Variants in MED12L observed in about 807,000 individuals in gnomAD.
The protein encoded by MED12L is mediator of RNA polymerase II transcription subunit 12-like protein.
MED12L carries 60 observed loss-of-function variants against 281.3 expected under a neutral mutation model. That is an observed-to-expected ratio of 0.21 (90% CI 0.17 to 0.26). The LOEUF (loss-of-function observed/expected upper bound fraction) is 0.26. MED12L is among the 10% of genes least tolerant of loss of function. MED12L has a pLI of 1.00. For synonymous variants in MED12L, 974 were observed against 987.2 expected (o/e 0.99, Z 0.25); for missense variants, 2,146 against 2,680.9 (o/e 0.80, Z 4.41).
intron 16 of MED12L, among the ~76,000 whole-genome samples, chr3:151,209,051 C>T (rs1406241363): frequency 6.6e-6 from 1 of 152,050 alleles, no homozygotes; most frequent in Non-Finnish European, 1.5e-5. Flanking sequence ...ATGACGGTGA[C>T]CATGAGAGAA....
intron 36 of MED12L, 43 bp from the exon 37 acceptor site, chr3:151,387,767 A>C: frequency 6.4e-7 from 1 of 1,553,654 alleles, no homozygotes; most frequent in Non-Finnish European, 8.7e-7. Context: ...ATGAATAAGG[A>C]AAAGATCTGA....
intron 3 of MED12L, among the ~76,000 whole-genome samples, chr3:151,117,973 C>T (rs1023236127): frequency 1.3e-5 from 2 of 151,410 alleles, no homozygotes; most frequent in African/African-American, 4.9e-5. Flanking sequence ...CGCCTGTAAT[C>T]CCAGCTACTT....
chr3:151,251,461 C>T (rs1271677238), intron 16 of MED12L, among the ~76,000 whole-genome samples: 1 of 152,076 alleles, frequency 6.6e-6, no homozygotes, highest in Admixed American at 6.6e-5. Flanking sequence ...TGTTCCCTGC[C>T]TTCAATCTGC....
intron 11 of MED12L, among the ~76,000 whole-genome samples, chr3:151,176,085 G>A (rs1722011351): frequency 6.6e-6 from 1 of 152,074 alleles, no homozygotes; most frequent in African/African-American, 2.4e-5. Flanking sequence ...CCACAGTGTG[G>A]ACCCCTGTCC....
chr3:151,240,316 T>C (rs951247368), intron 16 of MED12L, among the ~76,000 whole-genome samples: 7 of 152,220 alleles, frequency 4.6e-5, no homozygotes, highest in Admixed American at 2.6e-4. Context: ...TGTGATTTCT[T>C]TTTTGGACCT....
intron 8 of MED12L, among the ~76,000 whole-genome samples, chr3:151,161,203 G>A (rs1032134492): frequency 6.6e-6 from 1 of 152,208 alleles, no homozygotes; most frequent in Admixed American, 6.5e-5. Flanking sequence ...GCAAGGCAAA[G>A]AAATCAGTTT....
intron 16 of MED12L, among the ~76,000 whole-genome samples, chr3:151,271,548 A>G (rs750495579): frequency 5.9e-5 from 9 of 152,178 alleles, no homozygotes; most frequent in Non-Finnish European, 8.8e-5. Flanking sequence ...AAAGACTTAT[A>G]TTAGAATATT....
At chr3:151,312,760 T>TATTAAAAGGACTTTAATAA (rs1747720437) in intron 16 of MED12L, among the ~76,000 whole-genome samples, 1 of 152,222 alleles carries the variant, frequency 6.6e-6, no homozygotes, top group Admixed American at 6.5e-5. Context: ...TATTTTAATT[T>TATTAAAAGGACTTTAATAA]ATTAAAAGGA....
chr3:151,191,499 T>C (rs1352828501), intron 14 of MED12L, among the ~76,000 whole-genome samples: 1 of 152,224 alleles, frequency 6.6e-6, no homozygotes, highest in Non-Finnish European at 1.5e-5. Context: ...TCTGCCAAAT[T>C]CTGGTATTTT....
rs77330648 is a variant in MED12L at position 151,344,294 on chromosome 3, T to G, written c.2251-5765T>G. Among the ~76,000 whole-genome samples the G allele has an allele frequency of 3.9e-3, 310 of 78,808 alleles. 2 individuals are homozygous for G. The highest frequency in any genetic ancestry group is 0.018 in the African/African-American group (300 of 16,386). 51.7% of individuals were successfully genotyped at this position (78,808 alleles called of 152,430 possible). A position where few individuals can be genotyped will look rare whatever the true frequency, so the allele number is the denominator to read the frequency against. On this transcript the variant is annotated intron_variant, in intron 16 of 44. Coordinates refer to ENST00000687756, the MANE Select transcript of MED12L (RefSeq NM_001393769.1). ...TACAGAAAATATACTCTATGTATAG[T>G]TACTAATGATTAAAAAAAAACCTGT...
intron 3 of MED12L, among the ~76,000 whole-genome samples, chr3:151,120,409 A>AAAT (rs969417598): frequency 1.3e-5 from 2 of 152,226 alleles, no homozygotes; most frequent in African/African-American, 4.8e-5. Flanking sequence ...ACTATGTATG[A>AAAT]AATAACAAAT....
At chr3:151,306,547 G>A (rs1746683571) in intron 16 of MED12L, among the ~76,000 whole-genome samples, 1 of 152,352 alleles carries the variant, frequency 6.6e-6, no homozygotes, top group East Asian at 1.9e-4. Context: ...GGCTATGGGA[G>A]GACAACATCC....
chr3:151,328,264 G>A (rs1749890273), intron 16 of MED12L: 7 of 1,613,952 alleles, frequency 4.3e-6, no homozygotes, highest in South Asian at 1.1e-5. Flanking sequence ...AACACACAAA[G>A]AAGACAGCCA....
chr3:151,214,121 CAAT>C (rs1340840748), intron 16 of MED12L: 1 of 1,614,044 alleles, frequency 6.2e-7, no homozygotes, highest in Admixed American at 1.7e-5. Flanking sequence ...ACAAAGTCAG[CAAT>C]AACAATGTTC....
chr3:151,106,308 T>TCTCCCC (rs1722042170), intron 2 of MED12L, among the ~76,000 whole-genome samples: 1 of 75,958 alleles, frequency 1.3e-5, no homozygotes, highest in African/African-American at 6.1e-5. Context: ...TCCTTTTCCT[T>TCTCCCC]CTCCCCTCCC....
intron 2 of MED12L, among the ~76,000 whole-genome samples, chr3:151,092,830 G>T (rs1720237552): frequency 6.6e-6 from 1 of 152,204 alleles, no homozygotes; most frequent in African/African-American, 2.4e-5. Context: ...CAGAATCCCA[G>T]TGTTCAGGGA....
chr3:151,086,840 C>G lies in MED12L; in HGVS notation c.-87C>G. 5.9e-6 allele frequency: 6 copies of G among 1,018,590 alleles called. No individual in the cohort carries two copies. The highest frequency in any genetic ancestry group is 8.6e-6 in the Non-Finnish European group (6 of 698,998). 63.1% of individuals were successfully genotyped at this position (1,018,590 alleles called of 1,614,324 possible). On this transcript the variant is annotated 5_prime_UTR_variant, in exon 2 of 45. Transcript: ENST00000687756. ...GAGCGAGGAGGGGGAGAGAGGGAGT[C>G]TGTCTGCAAAGTGCTGCTCCCTGGT...
chr3:151,229,468 G>A (rs967835285), intron 16 of MED12L, among the ~76,000 whole-genome samples: 3 of 137,528 alleles, frequency 2.2e-5, no homozygotes, highest in Non-Finnish European at 3.1e-5. Flanking sequence ...CACCATGCCC[G>A]GCTAATTTTT....
chr3:151,349,904 G>T (rs914910896), intron 16 of MED12L, among the ~76,000 whole-genome samples, 155 bp from the exon 17 acceptor site: 2 of 151,040 alleles, frequency 1.3e-5, no homozygotes, highest in African/African-American at 2.4e-5. Flanking sequence ...AAAAACAAGG[G>T]TGTTGCCAGT....
Sources: gnomAD v4.1 joint callset for allele counts (sites outside exome capture counted in the v4.1 genomes callset) on GRCh38, gnomAD v4.1.1 for gene constraint, MANE v1.5 for transcripts, NCBI Gene and HGNC (gene_info 2026-07-23, HGNC 2026-07-21) for gene names.